The following CASTOR1 variants were observed in gnomAD, a reference collection of about 807,000 sequenced individuals.
The protein encoded by CASTOR1 is GATS protein like 3.
CASTOR1 carries 18 observed loss-of-function variants against 33.7 expected under a neutral mutation model. That is an observed-to-expected ratio of 0.53 (90% CI 0.37 to 0.79). CASTOR1 has a LOEUF of 0.79. CASTOR1 is among the 30% of genes least tolerant of loss of function. The probability of loss-of-function intolerance (pLI) is 0.00; values close to 1 mark genes in which losing one functional copy is unlikely to be tolerated. For synonymous variants in CASTOR1, 175 were observed against 190.6 expected (o/e 0.92, Z 0.67); for missense variants, 362 against 446.3 (o/e 0.81, Z 1.70).
At chr22:30,286,414 A>G (rs1310652533) in intron 5 of CASTOR1, 38 bp from the exon 6 acceptor site, 1 of 1,355,320 alleles carries the variant, frequency 7.4e-7, no homozygotes, top group African/African-American at 1.4e-5. Context: ...TCTACCAGGC[A>G]CCCAGCCTAC....
chr22:30,289,306 A>G, intron 1 of CASTOR1, 79 bp downstream of exon 1: 1 of 1,068,724 alleles, frequency 9.4e-7, no homozygotes, highest in Non-Finnish European at 1.4e-6. Flanking sequence ...CCTTACGGCG[A>G]TCCTAATCCT....
rs770576701 is a variant in CASTOR1, at chr22:30,286,809, A to G, written c.629+16T>C. 5.6e-6 allele frequency: 9 copies of G among 1,613,830 alleles called. No individual in the cohort carries two copies. Among genetic ancestry groups the G allele is most frequent in the Non-Finnish European group, 5.9e-6 (7 of 1,179,914 alleles). On this transcript the variant is annotated intron_variant, in intron 5 of 8. Coordinates refer to ENST00000407689, the MANE Select transcript of CASTOR1 (RefSeq NM_001037666.3). ...GAACAGTGCTGTGAGGACAAAGACGAAGTTCCAAGGTCCACCTGTGCGAGT... is the reference window on the plus strand; with the variant it reads ...GAACAGTGCTGTGAGGACAAAGACGGAGTTCCAAGGTCCACCTGTGCGAGT...
Position 30,285,627 on chromosome 22 carries a change from G to T in CASTOR1, c.983C>A (p.Ala328Asp), listed in dbSNP as rs763733871. Reference protein sequence around the residue: ...EVLQRRQEGLAS With the variant: ...EVLQRRQEGLDS ...CTCTGTTGCCCATGGGCCTCAGGAA[G>T]CCAGGCCTTCCTGCCGCCGCTGGAG... The change falls in exon 9 of 9, where the codon GCT becomes GAT. Residue 328 changes from alanine to aspartate, a missense_variant. Ala to Asp is a moderately radical substitution (Grantham distance 126). Transcript: ENST00000407689. 1.3e-6 allele frequency: 2 copies of T among 1,564,828 alleles called. No individual in the cohort carries two copies. The highest frequency in any genetic ancestry group is 1.7e-6 in the Non-Finnish European group (2 of 1,156,094).
In CASTOR1 at chr22:30,285,360, G is replaced by C; in HGVS notation, c.*260C>G. ...GAGGCTGCGCAGGGAGTGATGGGTT[G>C]GGGGCTTAAGCCCCGAGCACCGTGT... On this transcript the variant is annotated 3_prime_UTR_variant, in exon 9 of 9. Coordinates refer to ENST00000407689, the MANE Select transcript of CASTOR1 (RefSeq NM_001037666.3). 1 of 421,100 alleles carries C rather than the reference G, an allele frequency of 2.4e-6. No homozygotes were observed. The highest frequency in any genetic ancestry group is 4.3e-6 in the Non-Finnish European group (1 of 235,236). The allele number at this position is 421,100 out of a possible 1,614,324, so 26.1% of individuals were successfully genotyped here. A position where few individuals can be genotyped will look rare whatever the true frequency, so the allele number is the denominator to read the frequency against.
In CASTOR1 at chr22:30,285,707, G is replaced by A. The variant is rs905913395; in HGVS notation, c.922-19C>T. On this transcript the variant is annotated intron_variant, in intron 8 of 8. Transcript: ENST00000407689. ...CGGGCACCTGAGGGCAGGTGGGCAG[G>A]AGGGAAGGGTCAAGGCGGAAGCTGG... The A allele has an allele frequency of 1.3e-6, 2 of 1,559,080 alleles. No homozygotes were observed. Among genetic ancestry groups the A allele is most frequent in the East Asian group, 2.4e-5 (1 of 42,048 alleles).
At chr22:30,287,749 A>G in intron 2 of CASTOR1, 189 bp from the exon 3 acceptor site, 1 of 710,234 alleles carries the variant, frequency 1.4e-6, no homozygotes, top group Non-Finnish European at 2.5e-6. Flanking sequence ...GGTGGCATTG[A>G]AACTTCCCAC....
At position 30,288,742 on chromosome 22, in the gene CASTOR1, C is replaced by T. The variant is rs1409535737; in HGVS notation, c.148G>A (p.Asp50Asn). The T allele has an allele frequency of 6.2e-7, 1 of 1,612,952 alleles. No homozygotes were observed. Among genetic ancestry groups the T allele is most frequent in the South Asian group, 1.1e-5 (1 of 91,000 alleles). Residue 50 changes from aspartate to asparagine, a missense_variant, in exon 2 of 9, where the codon GAT (aspartate) becomes AAT (asparagine). Physicochemically the swap from Asp to Asn is conservative, Grantham distance 23. Coordinates refer to ENST00000407689, the MANE Select transcript of CASTOR1 (RefSeq NM_001037666.3). The stretch of plus-strand genomic sequence containing the variant: ...TCCTCGTCCACCATAAGCGTGTAAT[C>T]CTCAGGGGTCTCCGTCAGGCTGAAG... Reference protein sequence around the residue: ...KFFSLTETPEDYTLMVDEEGF... With the variant: ...KFFSLTETPENYTLMVDEEGF...
rs1929807332 is a variant in CASTOR1 at position 30,287,423 on chromosome 22, G to A, written c.322C>T (p.His108Tyr). The stretch of plus-strand genomic sequence containing the variant: ...GACAGCATCAGCACAGACACGTGGT[G>A]CTCGGCCAGTGGCGCGATGACCGAA... The part of the protein sequence containing the change: ...ARSVIAPLAE[H>Y]HVSVLMLSTY... The change falls in exon 3 of 9, where the codon CAC (histidine) becomes TAC (tyrosine). Residue 108 changes from histidine to tyrosine, a missense_variant. By Grantham distance (83) the His-to-Tyr change is moderately conservative (BLOSUM62 2). Transcript: ENST00000407689. 1 of 1,613,470 alleles carries A rather than the reference G, an allele frequency of 6.2e-7. No homozygotes were observed. The highest frequency in any genetic ancestry group is 8.5e-7 in the Non-Finnish European group (1 of 1,180,028).
In CASTOR1 at chr22:30,286,866, G is replaced by C; in HGVS notation, c.588C>G (p.Ala196=). Residue 196 remains alanine (A), a synonymous_variant, in exon 5 of 9, where the codon GCC becomes GCG. Coordinates refer to ENST00000407689, the MANE Select transcript of CASTOR1 (RefSeq NM_001037666.3). Reference sequence around the variant, plus strand: ...GGACATCTATGAGGGTGGTGGCGATGGCTGGAAGCGTCTCAGGGTCCAGTG... The same window carrying C: ...GGACATCTATGAGGGTGGTGGCGATCGCTGGAAGCGTCTCAGGGTCCAGTG... ...VLTLDPETLP[A]IATTLIDVLF... 1 of 1,614,238 alleles carries C rather than the reference G, an allele frequency of 6.2e-7. No homozygotes were observed. The highest frequency in any genetic ancestry group is 8.5e-7 in the Non-Finnish European group (1 of 1,180,044).
chr22:30,286,514 G>A, intron 5 of CASTOR1, 138 bp from the exon 6 acceptor site: 2 of 693,126 alleles, frequency 2.9e-6, no homozygotes, highest in African/African-American at 1.8e-5. Context: ...ACCCGCCCAA[G>A]GGTCCAGCCC....
intron 2 of CASTOR1, among the ~76,000 whole-genome samples, chr22:30,288,112 C>T (rs1344427335): frequency 1.3e-5 from 2 of 152,248 alleles, no homozygotes; most frequent in Non-Finnish European, 2.9e-5. Context: ...GCAGGGCCAG[C>T]AGCAGGAGGA....
rs745647249 is a variant in CASTOR1, at chr22:30,286,988, C to T, written c.506-40G>A. ...CAGCAGGTGAAAAGGTGTCCGTGGG[C>T]TGGGGCGCCCCCTGGTGGCTAGTCA... is the stretch of plus-strand genomic sequence containing the variant. On this transcript the variant is annotated intron_variant, in intron 4 of 8. Transcript: ENST00000407689. 6 of 1,581,974 alleles carry T rather than the reference C, an allele frequency of 3.8e-6. No individual in the cohort carries two copies. The East Asian group carries it at 1.3e-4, about 36-fold the overall frequency.
chr22:30,287,143 G>C lies in CASTOR1; in HGVS notation c.505+12C>G, dbSNP rs1569156254. On this transcript the variant is annotated intron_variant, in intron 4 of 8. Transcript: ENST00000407689. ...CCCTGCCCAAGTCCAAGTGTCAGGG[G>C]GCGGCCCTCACCATGCTGAGTGCGG... 1.9e-6 allele frequency: 3 copies of C among 1,606,594 alleles called. No individual in the cohort carries two copies. The highest frequency in any genetic ancestry group is 8.5e-7 in the Non-Finnish European group (1 of 1,175,384).
rs1929730575 is a variant in CASTOR1 at position 30,285,497 on chromosome 22, G to A, written c.*123C>T. 1.3e-6 allele frequency: 1 copy of A among 756,282 alleles called. No individual in the cohort carries two copies. Among genetic ancestry groups the A allele is most frequent in the Non-Finnish European group, 2.2e-6 (1 of 459,144 alleles). The allele number at this position is 756,282 out of a possible 1,614,324, so 46.8% of individuals were successfully genotyped here. On this transcript the variant is annotated 3_prime_UTR_variant, in exon 9 of 9. Coordinates refer to ENST00000407689, the MANE Select transcript of CASTOR1 (RefSeq NM_001037666.3). ...CCTGCACGCAGCTTACATACAGAGAGCGGAACGAGGGTCCCCAGCAGAACA... is the reference window on the plus strand; with the variant it reads ...CCTGCACGCAGCTTACATACAGAGAACGGAACGAGGGTCCCCAGCAGAACA...
chr22:30,288,078 G>C, intron 2 of CASTOR1: 1 of 355,054 alleles, frequency 2.8e-6, no homozygotes, highest in South Asian at 2.1e-5. Context: ...TAGCTGGCCT[G>C]AGACTCCAAG....
rs537434788 is a variant in CASTOR1, at chr22:30,288,697, A to G, written c.184+9T>C. On this transcript the variant is annotated intron_variant, in intron 2 of 8. Transcript: ENST00000407689. ...CTCCCGTACTCCCGTTCCCCAGACC[A>G]ACCCCCACCTTTAAAGCCCTCCTCG... is the stretch of plus-strand genomic sequence containing the variant. The G allele has an allele frequency of 8.7e-6, 14 of 1,610,664 alleles. No individual in the cohort carries two copies. The highest frequency in any genetic ancestry group is 1.7e-4 in the Middle Eastern group (1 of 6,034).
In CASTOR1 at chr22:30,285,679, C is replaced by T. The variant is rs771078179; in HGVS notation, c.931G>A (p.Asp311Asn). 2.7e-5 allele frequency: 42 copies of T among 1,566,570 alleles called. No homozygotes were observed. In the Admixed American group the frequency reaches 7.1e-4, roughly 26 times the overall value. ...ACCTCGATGACGCTGCCGATACCGT[C>T]CTCGGGCACCTGAGGGCAGGTGGGC... Reference protein sequence around the residue: ...FNFDHALVPEDGIGSVIEVLQ... With the variant: ...FNFDHALVPENGIGSVIEVLQ... The change falls in exon 9 of 9, where the codon GAC (aspartate) becomes AAC (asparagine). Residue 311 changes from aspartate (D) to asparagine (N), a missense_variant. By Grantham distance (23) the Asp-to-Asn change is conservative (BLOSUM62 1). Coordinates refer to ENST00000407689, the MANE Select transcript of CASTOR1 (RefSeq NM_001037666.3).
intron 2 of CASTOR1, 121 bp downstream of exon 2, chr22:30,288,585 C>T (rs902061302): frequency 2.5e-6 from 2 of 790,166 alleles, no homozygotes; most frequent in African/African-American, 3.6e-5. Flanking sequence ...GATTCGAACC[C>T]CGACCCATCT....
chr22:30,285,808 T>TCGGCCCCAGCCCTTGGTGCTCCCC, intron 8 of CASTOR1, 24 bp downstream of exon 8: 1 of 1,495,738 alleles, frequency 6.7e-7, no homozygotes, highest in Non-Finnish European at 9.2e-7. Context: ...CACTCTCCCC[T>TCGGCCCCAGCCCTTGGTGCTCCCC]CTGCCCCAGC....
Sources: allele counts gnomAD v4.1 joint callset (sites outside exome capture counted in the v4.1 genomes callset), GRCh38; gene constraint gnomAD v4.1.1; transcripts MANE v1.5; gene names NCBI Gene and HGNC (gene_info 2026-07-23, HGNC 2026-07-21).